TRIP12: variants seen among roughly 807,000 people sequenced by gnomAD.
TRIP12 encodes the protein thyroid hormone receptor interactor 12, also known as E3 ubiquitin-protein ligase TRIP12.
TRIP12 carries 25 observed loss-of-function variants against 244.2 expected under a neutral mutation model. The ratio of observed to expected loss-of-function variants is 0.10; its 90% confidence interval spans 0.07 to 0.14. The LOEUF is 0.14. Among genes scored for constraint, TRIP12 ranks in the 10% least tolerant of loss-of-function variants. TRIP12 has a pLI of 1.00. For missense variants in TRIP12, 1,677 were observed against 2,486.4 expected, an observed-to-expected ratio of 0.67 and a Z score of 6.92; for synonymous variants, 905 against 873.1, an observed-to-expected ratio of 1.04 and a Z score of -0.64.
chr2:229,772,849 A>G (rs1209362663), intron 38 of TRIP12, among the ~76,000 whole-genome samples: 1 of 152,036 alleles, frequency 6.6e-6, no homozygotes, highest in Non-Finnish European at 1.5e-5. Context: ...GGCTCCATCT[A>G]AAGTCACAAA....
At chr2:229,860,269 C>T (rs962941204) in intron 3 of TRIP12, 137 bp downstream of exon 3, 1 of 1,096,912 alleles carries the variant, frequency 9.1e-7, no homozygotes, top group African/African-American at 1.6e-5. Context: ...GATAAACTGT[C>T]AATCCTAAAA....
At chr2:229,770,861 G>A (rs753343602) in intron 39 of TRIP12, among the ~76,000 whole-genome samples, 3 of 152,316 alleles carry the variant, frequency 2.0e-5, no homozygotes, top group African/African-American at 4.8e-5. Flanking sequence ...CTGCTGCCAT[G>A]TGAGATGTGC....
intron 7 of TRIP12, 120 bp downstream of exon 7, chr2:229,830,636 G>A (rs2053098005): frequency 2.2e-6 from 2 of 904,202 alleles, no homozygotes; most frequent in African/African-American, 1.7e-5. Context: ...TTTTTTCTTG[G>A]AGGTGCAGGC....
chr2:229,851,788 T>C (rs772805399), intron 4 of TRIP12, among the ~76,000 whole-genome samples: 1 of 151,462 alleles, frequency 6.6e-6, no homozygotes, highest in Non-Finnish European at 1.5e-5. Flanking sequence ...AGCGAGACCA[T>C]GAACCCACCA....
intron 8 of TRIP12, among the ~76,000 whole-genome samples, chr2:229,824,118 G>C (rs1410220232): frequency 2.6e-5 from 4 of 152,150 alleles, no homozygotes; most frequent in Non-Finnish European, 5.9e-5. Context: ...GAGGTAAAAA[G>C]TGTTAATAAA....
At position 229,765,073 on chromosome 2, in the gene TRIP12, T is replaced by G. The variant is rs2031360991; in HGVS notation, c.*2481A>C. 1 of 152,202 alleles carries G rather than the reference T, an allele frequency of 6.6e-6. No individual in the cohort carries two copies. The highest frequency in any genetic ancestry group is 1.5e-5 in the Non-Finnish European group (1 of 68,040). 9.4% of individuals were successfully genotyped at this position (152,202 alleles called of 1,614,324 possible). ...GGGGATAGGAAGAGGGGATTACATT[T>G]AGCTACCTCTTCCTTCTTGGAATAG... On this transcript the variant is annotated 3_prime_UTR_variant, in exon 42 of 42. Coordinates refer to ENST00000675903, the MANE Select transcript of TRIP12 (RefSeq NM_001348323.3).
At chr2:229,812,747 A>G (rs2047575294) in intron 13 of TRIP12, among the ~76,000 whole-genome samples, 2 of 152,206 alleles carry the variant, frequency 1.3e-5, no homozygotes, top group Non-Finnish European at 2.9e-5. Flanking sequence ...CAGAGGCTGC[A>G]GTGAGATCAC....
intron 4 of TRIP12, among the ~76,000 whole-genome samples, chr2:229,845,041 A>T (rs1347180502): frequency 6.6e-6 from 1 of 152,192 alleles, no homozygotes; most frequent in East Asian, 1.9e-4. Flanking sequence ...TCATTCAAGG[A>T]CAGGTATATA....
chr2:229,911,078 G>GA (rs2074189230), intron 1 of TRIP12, among the ~76,000 whole-genome samples: 1 of 152,126 alleles, frequency 6.6e-6, no homozygotes, highest in Non-Finnish European at 1.5e-5. Context: ...TCATATAAAG[G>GA]AAAAAATATA....
chr2:229,877,596 G>A (rs927080902), intron 2 of TRIP12, among the ~76,000 whole-genome samples: 1 of 152,148 alleles, frequency 6.6e-6, no homozygotes, highest in Non-Finnish European at 1.5e-5. Context: ...AAATGACCAT[G>A]CTGAAACACT....
At chr2:229,779,361 C>G (rs950952350) in intron 34 of TRIP12, among the ~76,000 whole-genome samples, 3 of 152,208 alleles carry the variant, frequency 2.0e-5, no homozygotes, top group African/African-American at 7.2e-5. Flanking sequence ...AAATGTCACC[C>G]TCTCAAGGGG....
chr2:229,908,807 T>C (rs1261098498), intron 1 of TRIP12, among the ~76,000 whole-genome samples: 1 of 151,562 alleles, frequency 6.6e-6, no homozygotes, highest in Non-Finnish European at 1.5e-5. Flanking sequence ...TGGGAGGCTA[T>C]GCGGCCAGAC....
chr2:229,852,258 CTT>C (rs376515293), intron 4 of TRIP12, among the ~76,000 whole-genome samples: 12 of 152,286 alleles, frequency 7.9e-5, no homozygotes, highest in African/African-American at 2.9e-4. Context: ...GGAAATATAA[CTT>C]AAGTTTTTCT....
chr2:229,833,477 C>T (rs1036641906), intron 6 of TRIP12, among the ~76,000 whole-genome samples: 6 of 152,028 alleles, frequency 3.9e-5, no homozygotes, highest in African/African-American at 1.2e-4. Context: ...TTTGTAGAGA[C>T]AGGGTTTCAC....
chr2:229,894,867 C>T (rs922715689), intron 1 of TRIP12, among the ~76,000 whole-genome samples: 2 of 152,180 alleles, frequency 1.3e-5, no homozygotes, highest in African/African-American at 4.8e-5. Context: ...AAAAAAACTT[C>T]TCTGCCAGTC....
chr2:229,819,080 ACACAC>A (rs200013797), intron 8 of TRIP12, among the ~76,000 whole-genome samples: 2,367 of 145,306 alleles, frequency 0.016, 72 homozygotes, highest in East Asian at 0.12. Flanking sequence ...ACACACACAC[ACACAC>A]AATTATAAAC....
intron 32 of TRIP12, 102 bp from the exon 33 acceptor site, chr2:229,787,763 GAA>G: frequency 5.6e-6 from 6 of 1,073,660 alleles, no homozygotes; most frequent in Non-Finnish European, 7.8e-6. Context: ...ATATGATATA[GAA>G]AATTGTAAAT....
intron 4 of TRIP12, among the ~76,000 whole-genome samples, chr2:229,845,875 A>C (rs1441445050): frequency 6.6e-6 from 1 of 152,040 alleles, no homozygotes; most frequent in Non-Finnish European, 1.5e-5. Context: ...AGAAAAAAAA[A>C]AATTAGCTGG....
chr2:229,909,889 T>C (rs2073935512), intron 1 of TRIP12, among the ~76,000 whole-genome samples: 1 of 152,212 alleles, frequency 6.6e-6, no homozygotes, highest in African/African-American at 2.4e-5. Flanking sequence ...CATTTGCTTA[T>C]AATTCACATG....
Sources: allele counts gnomAD v4.1 joint callset (sites outside exome capture counted in the v4.1 genomes callset), GRCh38; gene constraint gnomAD v4.1.1; transcripts MANE v1.5; gene names NCBI Gene and HGNC (gene_info 2026-07-23, HGNC 2026-07-21).